ARHGEF4: variants seen among roughly 807,000 people sequenced by gnomAD.
The protein encoded by ARHGEF4 is Rho guanine nucleotide exchange factor 4, also known as APC-stimulated guanine nucleotide exchange factor 1.
In ARHGEF4, 119 loss-of-function variants were observed where a neutral mutation model predicts 162.0. That is an observed-to-expected ratio of 0.73 (90% CI 0.63 to 0.86). ARHGEF4 has a LOEUF of 0.86. ARHGEF4 is among the 40% of genes least tolerant of loss of function. The probability of loss-of-function intolerance (pLI) is 0.00; values close to 1 mark genes in which losing one functional copy is unlikely to be tolerated. For synonymous variants in ARHGEF4, 1,014 were observed against 979.9 expected, an observed-to-expected ratio of 1.03 and a Z score of -0.65; for missense variants, 2,488 against 2,456.0, an observed-to-expected ratio of 1.01 and a Z score of -0.28.
chr2:131,039,658 C>G (rs901425050), intron 6 of ARHGEF4: 1 of 1,173,882 alleles, frequency 8.5e-7, no homozygotes, highest in African/African-American at 1.6e-5. Context: ...TGCATGTTAG[C>G]CAGCGGGCGC....
chr2:130,898,675 T>C (rs768319314), intron 1 of ARHGEF4, among the ~76,000 whole-genome samples: 2 of 152,192 alleles, frequency 1.3e-5, no homozygotes, highest in Non-Finnish European at 2.9e-5. Flanking sequence ...GCAGCCAGGA[T>C]GCACCTGTGA....
In ARHGEF4 at chr2:130,992,051, C is replaced by T. The variant is rs377723723; in HGVS notation, c.3986-35894C>T. The stretch of plus-strand genomic sequence containing the variant: ...GCTCAGGGTTTGTGAGTGCACCAAT[C>T]GACACTCTGTATCTAGCTGCTCTGG... On this transcript the variant is annotated intron_variant, in intron 4 of 13. Coordinates refer to ENST00000409359, the MANE Select transcript of ARHGEF4 (RefSeq NM_001367493.1). Among the ~76,000 whole-genome samples, 18 of 152,320 alleles carry T rather than the reference C, an allele frequency of 1.2e-4. 1 individual carries two copies. Among genetic ancestry groups the T allele is most frequent in the African/African-American group, 4.3e-4 (18 of 41,568 alleles).
At chr2:131,043,650 G>C in intron 11 of ARHGEF4, 67 bp downstream of exon 11, 2 of 1,607,004 alleles carry the variant, frequency 1.2e-6, no homozygotes, top group Non-Finnish European at 1.7e-6. Context: ...TGAGGGCTGG[G>C]AGCAGCTGCC....
intron 4 of ARHGEF4, among the ~76,000 whole-genome samples, chr2:131,002,662 A>T (rs1472598420): frequency 7.3e-6 from 1 of 136,972 alleles, no homozygotes; most frequent in African/African-American, 2.7e-5. Flanking sequence ...GTGAGCCGAG[A>T]TCGCACCACT....
At chr2:131,012,359 A>G (rs1688510648) in intron 4 of ARHGEF4, among the ~76,000 whole-genome samples, 1 of 152,220 alleles carries the variant, frequency 6.6e-6, no homozygotes, top group African/African-American at 2.4e-5. Context: ...TTCTTTGCCT[A>G]GAGCTTCCTT....
chr2:131,012,495 G>A (rs1026551707), intron 4 of ARHGEF4, among the ~76,000 whole-genome samples: 2 of 152,090 alleles, frequency 1.3e-5, no homozygotes, highest in South Asian at 2.1e-4. Flanking sequence ...GCCTCAGAGT[G>A]GGGATGCCTT....
Position 130,916,501 on chromosome 2 carries a change from A to G in ARHGEF4, c.2555A>G (p.Asp852Gly). The G allele has an allele frequency of 6.5e-7, 1 of 1,548,008 alleles. No homozygotes were observed. The highest frequency in any genetic ancestry group is 8.7e-7 in the Non-Finnish European group (1 of 1,146,670). Residue 852 changes from aspartate to glycine, a missense_variant, in exon 2 of 14, where the codon GAC (aspartate) becomes GGC (glycine). Transcript: ENST00000409359. ...GRDAPPLHHGDASAWPEFVPQ... is the reference protein window; with the variant it reads ...GRDAPPLHHGGASAWPEFVPQ... ...GACGCACCGCCTCTGCACCACGGGG[A>G]CGCCAGCGCCTGGCCCGAGTTTGTC...
Position 130,916,128 on chromosome 2 carries a change from A to G in ARHGEF4, c.2182A>G (p.Ser728Gly). Reference sequence around the variant, plus strand: ...CCAAGCTGCTTCGGAAGAGACGCCGAGCACAGAGGAGCCCCCGGGAGAGAG... The same window carrying G: ...CCAAGCTGCTTCGGAAGAGACGCCGGGCACAGAGGAGCCCCCGGGAGAGAG... The part of the protein sequence containing the change: ...VPQAASEETP[S>G]TEEPPGERLR... The change falls in exon 2 of 14, where the codon AGC (serine) becomes GGC (glycine). Residue 728 changes from serine to glycine, a missense_variant. By Grantham distance (56) the Ser-to-Gly change is moderately conservative. Coordinates refer to ENST00000409359, the MANE Select transcript of ARHGEF4 (RefSeq NM_001367493.1). The G allele has an allele frequency of 6.5e-7, 1 of 1,549,550 alleles. No homozygotes were observed. Among genetic ancestry groups the G allele is most frequent in the South Asian group, 1.2e-5 (1 of 84,036 alleles).
At chr2:130,950,749 G>A (rs1286841876) in intron 4 of ARHGEF4, among the ~76,000 whole-genome samples, 1 of 147,234 alleles carries the variant, frequency 6.8e-6, no homozygotes, top group African/African-American at 2.5e-5. Context: ...TCCCTACCCT[G>A]GATTTGCCTA....
At chr2:130,941,968 T>C (rs1037886827) in intron 3 of ARHGEF4, among the ~76,000 whole-genome samples, 3 of 152,274 alleles carry the variant, frequency 2.0e-5, no homozygotes, top group African/African-American at 7.2e-5. Flanking sequence ...GGGTCCAGTT[T>C]CCCTTTAAGC....
intron 1 of ARHGEF4, among the ~76,000 whole-genome samples, chr2:130,855,205 T>TG (rs1681690454): frequency 6.6e-6 from 1 of 151,944 alleles, no homozygotes; most frequent in South Asian, 2.1e-4. Flanking sequence ...AACAAAAAGT[T>TG]GGAGAACCCA....
chr2:130,917,136 G>A lies in ARHGEF4; in HGVS notation c.3190G>A (p.Ala1064Thr), dbSNP rs1056256185. 4 of 1,550,364 alleles carry A rather than the reference G, an allele frequency of 2.6e-6. No homozygotes were observed. The African/African-American group carries it at 4.1e-5, about 16-fold the overall frequency. The change falls in exon 2 of 14, where the codon GCT (alanine) becomes ACT (threonine). Residue 1064 changes from alanine to threonine, a missense_variant. Physicochemically the swap from Ala to Thr is moderately conservative, Grantham distance 58. Transcript: ENST00000409359. ...ASPGSPRAQQAGIAHTLPSSS... is the reference protein window; with the variant it reads ...ASPGSPRAQQTGIAHTLPSSS... ...CCCCGGCAGCCCTCGGGCCCAGCAG[G>A]CTGGAATCGCACACACCCTGCCTTC...
At chr2:130,922,792 G>A (rs1214517839) in intron 2 of ARHGEF4, among the ~76,000 whole-genome samples, 5 of 151,010 alleles carry the variant, frequency 3.3e-5, no homozygotes, top group African/African-American at 9.7e-5. Context: ...TGTGGGACAT[G>A]TCTCTCCTAG....
rs773074596 is a variant in ARHGEF4 at position 131,041,347 on chromosome 2, C to T, written c.4780C>T (p.Leu1594=). 6.2e-7 allele frequency: 1 copy of T among 1,613,694 alleles called. No individual in the cohort carries two copies. Among genetic ancestry groups the T allele is most frequent in the Non-Finnish European group, 8.5e-7 (1 of 1,180,042 alleles). The stretch of plus-strand genomic sequence containing the variant: ...GTACTTCTTCGAGGCCTGCCGGCTG[C>T]TGCAGAAGATGATTGACATCTCCCT... ...YVYFFEACRL[L]QKMIDISLDG... is the part of the protein sequence containing the mutation. Residue 1594 remains leucine (L), a synonymous_variant, in exon 9 of 14, where the codon CTG becomes TTG. Coordinates refer to ENST00000409359, the MANE Select transcript of ARHGEF4 (RefSeq NM_001367493.1).
intron 1 of ARHGEF4, among the ~76,000 whole-genome samples, chr2:130,845,582 C>G (rs1458006059): frequency 6.6e-6 from 1 of 152,092 alleles, no homozygotes; most frequent in Non-Finnish European, 1.5e-5. Context: ...CAGGCTTGAG[C>G]CACTGCACCC....
At chr2:131,024,361 C>T (rs1304934812) in intron 4 of ARHGEF4, among the ~76,000 whole-genome samples, 1 of 152,156 alleles carries the variant, frequency 6.6e-6, no homozygotes, top group African/African-American at 2.4e-5. Flanking sequence ...CTGCAACCTC[C>T]GCCTGCTGGG....
In ARHGEF4 at chr2:130,917,302, C is replaced by A; in HGVS notation, c.3356C>A (p.Ser1119Tyr). 1 of 1,550,570 alleles carries A rather than the reference C, an allele frequency of 6.4e-7. No homozygotes were observed. The highest frequency in any genetic ancestry group is 1.4e-5 in the African/African-American group (1 of 73,158). The change falls in exon 2 of 14, where the codon TCT becomes TAT. Residue 1119 changes from serine to tyrosine, a missense_variant. This residue lies in a region of ARHGEF4 where 1,642 missense variants were observed against 1,481.5 expected (regional missense o/e 1.11). Transcript: ENST00000409359. ...AGGGGTAGCGCCATCTCCATGGTTT[C>A]TCTTGGAAGCTACAGCTACGTGGAC... ...PGRGSAISMV[S>Y]LGSYSYVDSS...
chr2:130,977,861 C>T (rs1188670088), intron 4 of ARHGEF4, among the ~76,000 whole-genome samples: 1 of 152,044 alleles, frequency 6.6e-6, no homozygotes, highest in Non-Finnish European at 1.5e-5. Context: ...ACAAGTATTG[C>T]CAAGGAAGAA....
At chr2:130,935,300 A>T (rs2105115664) in intron 3 of ARHGEF4, among the ~76,000 whole-genome samples, 1 of 152,194 alleles carries the variant, frequency 6.6e-6, no homozygotes, top group South Asian at 2.1e-4. Flanking sequence ...AGCCTCCCAA[A>T]GTGCTGGGAT....
Sources: allele counts gnomAD v4.1 joint callset (sites outside exome capture counted in the v4.1 genomes callset), GRCh38; gene constraint gnomAD v4.1.1; regional missense constraint gnomAD v4.1.1; transcripts MANE v1.5; gene names NCBI Gene and HGNC (gene_info 2026-07-23, HGNC 2026-07-21).